FHIP2A: variants seen among roughly 807,000 people sequenced by gnomAD.
The protein encoded by FHIP2A is FHF complex subunit HOOK interacting protein 2A.
FHIP2A carries 46 observed loss-of-function variants against 93.5 expected under a neutral mutation model. The observed-to-expected ratio is 0.49, with a 90% confidence interval of 0.39 to 0.63. FHIP2A has a LOEUF of 0.63. Among genes scored for constraint, FHIP2A ranks in the 20% least tolerant of loss-of-function variants. The pLI, the probability that FHIP2A is intolerant of heterozygous loss-of-function variation, is 0.00. For missense variants in FHIP2A, 769 were observed against 909.7 expected (o/e 0.85, Z 1.99); for synonymous variants, 332 against 326.5 (o/e 1.02, Z -0.18).
chr10:114,829,979 G>A (rs144425867), intron 1 of FHIP2A, among the ~76,000 whole-genome samples: 3 of 152,244 alleles, frequency 2.0e-5, no homozygotes, highest in African/African-American at 7.2e-5. Context: ...TTAGTATCTT[G>A]TTCAAGTAGT....
In FHIP2A at chr10:114,863,203, A is replaced by G. The variant is rs1384477580; in HGVS notation, c.*1663A>G. The G allele has an allele frequency of 1.0e-6, 1 of 981,686 alleles. No homozygotes were observed. 60.8% of individuals were successfully genotyped at this position (981,686 alleles called of 1,614,324 possible). Reference sequence around the variant, plus strand: ...GTGGGAGATAGTTATTTTGTGCGTAATTTTCTTTAAATCATTTTGAATGAT... The same window carrying G: ...GTGGGAGATAGTTATTTTGTGCGTAGTTTTCTTTAAATCATTTTGAATGAT... On this transcript the variant is annotated 3_prime_UTR_variant, in exon 17 of 17. Transcript: ENST00000369248.
chr10:114,864,056 G>A lies in FHIP2A; in HGVS notation c.*2516G>A. On this transcript the variant is annotated 3_prime_UTR_variant, in exon 17 of 17. Transcript: ENST00000369248. Reference sequence around the variant, plus strand: ...ATGTATCTGTTTGTGCAATATGGAAGCTGTGAGTGGATTCATAGCTTTTTG... The same window carrying A: ...ATGTATCTGTTTGTGCAATATGGAAACTGTGAGTGGATTCATAGCTTTTTG... 2 of 990,756 alleles carry A rather than the reference G, an allele frequency of 2.0e-6. No homozygotes were observed. Among genetic ancestry groups the A allele is most frequent in the Non-Finnish European group, 2.4e-6 (2 of 833,224 alleles). 61.4% of individuals were successfully genotyped at this position (990,756 alleles called of 1,614,324 possible).
chr10:114,866,935 G>A (rs775971590), downstream of FHIP2A, among the ~76,000 whole-genome samples: 10 of 152,196 alleles, frequency 6.6e-5, no homozygotes, highest in South Asian at 2.1e-4. Flanking sequence ...GACGCCGGGC[G>A]CGGTAGCTCA....
chr10:114,868,539 G>A (rs2083841739), downstream of FHIP2A, among the ~76,000 whole-genome samples: 1 of 151,824 alleles, frequency 6.6e-6, no homozygotes, highest in Admixed American at 6.6e-5. Context: ...GAACTGACAG[G>A]GAGTCTTTAA....
At chr10:114,872,410 C>A (rs1356950260) in intron 16 of FHIP2A, among the ~76,000 whole-genome samples, 2 of 152,182 alleles carry the variant, frequency 1.3e-5, no homozygotes, top group African/African-American at 2.4e-5. Flanking sequence ...TTATAACCCA[C>A]ACAATTTAAT....
chr10:114,838,292 G>A (rs192576158), intron 5 of FHIP2A, among the ~76,000 whole-genome samples: 3 of 152,156 alleles, frequency 2.0e-5, no homozygotes, highest in South Asian at 4.1e-4. Context: ...CTCTTAACTC[G>A]AATTAGGTAA....
chr10:114,859,601 G>A (rs2083786057), intron 14 of FHIP2A, among the ~76,000 whole-genome samples: 1 of 152,196 alleles, frequency 6.6e-6, no homozygotes, highest in Non-Finnish European at 1.5e-5. Flanking sequence ...CTTAGAAGAA[G>A]CAAACTGGAA....
chr10:114,864,037 C>G lies in FHIP2A; in HGVS notation c.*2497C>G, dbSNP rs1566379463. The G allele has an allele frequency of 1.0e-6, 1 of 994,190 alleles. No homozygotes were observed. Among genetic ancestry groups the G allele is most frequent in the African/African-American group, 1.7e-5 (1 of 57,248 alleles). 61.6% of individuals were successfully genotyped at this position (994,190 alleles called of 1,614,324 possible). A position where few individuals can be genotyped will look rare whatever the true frequency, so the allele number is the denominator to read the frequency against. On this transcript the variant is annotated 3_prime_UTR_variant, in exon 17 of 17. Transcript: ENST00000369248. ...ACTATGTAACTTTCTCGTAATGTAT[C>G]TGTTTGTGCAATATGGAAGCTGTGA...
chr10:114,875,884 GAA>G (rs1001928272), intron 16 of FHIP2A, among the ~76,000 whole-genome samples: 3 of 78,004 alleles, frequency 3.8e-5, no homozygotes, highest in African/African-American at 1.5e-4. Flanking sequence ...AGAAAGAAAA[GAA>G]AGAGAGAGAA....
intron 11 of FHIP2A, 23 bp downstream of exon 11, chr10:114,846,751 G>A: frequency 6.4e-7 from 1 of 1,565,334 alleles, no homozygotes. Context: ...CCAACTCCGT[G>A]AGTTCAGCAT....
In FHIP2A at chr10:114,863,506, A is replaced by G; in HGVS notation, c.*1966A>G. 1 of 1,138,886 alleles carries G rather than the reference A, an allele frequency of 8.8e-7. No homozygotes were observed. Among genetic ancestry groups the G allele is most frequent in the African/African-American group, 1.7e-5 (1 of 60,418 alleles). The allele number at this position is 1,138,886 out of a possible 1,614,324, so 70.5% of individuals were successfully genotyped here. Reference sequence around the variant, plus strand: ...AGCTCAGAAAAGCTTTAACTCTTATATTTGTGTATATGTATGCTGCTTCTG... The same window carrying G: ...AGCTCAGAAAAGCTTTAACTCTTATGTTTGTGTATATGTATGCTGCTTCTG... On this transcript the variant is annotated 3_prime_UTR_variant, in exon 17 of 17. Transcript: ENST00000369248.
chr10:114,891,552 T>TGC (rs2083974553), intron 16 of FHIP2A, among the ~76,000 whole-genome samples: 1 of 150,818 alleles, frequency 6.6e-6, no homozygotes, highest in Admixed American at 6.6e-5. Context: ...TGTGTGTGTG[T>TGC]GTGTGTGTGT....
At chr10:114,846,521 G>A (rs1343119688) in intron 10 of FHIP2A, 38 bp from the exon 11 acceptor site, 2 of 1,535,902 alleles carry the variant, frequency 1.3e-6, no homozygotes, top group Non-Finnish European at 1.8e-6. Context: ...CTTATGTAAA[G>A]ACATTTTTCA....
intron 16 of FHIP2A, among the ~76,000 whole-genome samples, chr10:114,898,765 GGTT>G (rs2084012934): frequency 1.3e-5 from 2 of 151,982 alleles, no homozygotes. Context: ...TATTTCACAG[GGTT>G]ATTATGATGC....
rs1373995853 is a variant in FHIP2A at position 114,855,276 on chromosome 10, C to G, written c.1883C>G (p.Ala628Gly). The G allele has an allele frequency of 3.7e-6, 6 of 1,613,820 alleles. No individual in the cohort carries two copies. The highest frequency in any genetic ancestry group is 5.1e-6 in the Non-Finnish European group (6 of 1,179,864). The change falls in exon 14 of 17, where the codon GCT becomes GGT. Residue 628 changes from alanine to glycine, a missense_variant. Transcript: ENST00000369248. ...PKALEKCNLE[A>G]AFFEGHFLKV... ...GCATTGGAAAAGTGCAATTTAGAAGCTGCTTTCTTTGAAGGTCATTTTTTG... is the reference window on the plus strand; with the variant it reads ...GCATTGGAAAAGTGCAATTTAGAAGGTGCTTTCTTTGAAGGTCATTTTTTG...
rs909543308 is a variant in FHIP2A at position 114,836,111 on chromosome 10, A to G, written c.400-13A>G. The stretch of plus-strand genomic sequence containing the variant: ...GCCTAAGTTTAAAAAGTTAAAAACA[A>G]TTGTTTTCACAGAAATTAATTAGAC... On this transcript the variant is annotated splice_polypyrimidine_tract_variant and intron_variant, in intron 4 of 16. Transcript: ENST00000369248. 12 of 1,550,586 alleles carry G rather than the reference A, an allele frequency of 7.7e-6. No individual in the cohort carries two copies. Among genetic ancestry groups the G allele is most frequent in the African/African-American group, 4.1e-5 (3 of 73,598 alleles).
intron 16 of FHIP2A, among the ~76,000 whole-genome samples, chr10:114,889,901 G>A (rs2083962062): frequency 6.6e-6 from 1 of 152,144 alleles, no homozygotes; most frequent in African/African-American, 2.4e-5. Flanking sequence ...GGGCAACTCG[G>A]GCATGTCCCT....
At chr10:114,881,758 T>G (rs1456358036) in intron 16 of FHIP2A, among the ~76,000 whole-genome samples, 1 of 151,966 alleles carries the variant, frequency 6.6e-6, no homozygotes, top group Non-Finnish European at 1.5e-5. Flanking sequence ...AGCTCAGGAG[T>G]TCTCCCCAAT....
intron 16 of FHIP2A, among the ~76,000 whole-genome samples, chr10:114,883,228 G>A (rs1390960191): frequency 6.6e-6 from 1 of 152,156 alleles, no homozygotes; most frequent in African/African-American, 2.4e-5. Flanking sequence ...CTCTTCCTAT[G>A]AGGAAATATT....
Sources: gnomAD v4.1 joint callset for allele counts (sites outside exome capture counted in the v4.1 genomes callset) on GRCh38, gnomAD v4.1.1 for gene constraint, MANE v1.5 for transcripts, NCBI Gene and HGNC (gene_info 2026-07-23, HGNC 2026-07-21) for gene names.